Variants in ADAMTSL1 observed in about 807,000 individuals in gnomAD.
ADAMTSL1 encodes the protein ADAMTS like 1, also known as ADAMTS-like protein 1.
Under a neutral mutation model 201.8 loss-of-function variants are expected in ADAMTSL1, and 126 were observed. The ratio of observed to expected loss-of-function variants is 0.62; its 90% CI spans 0.54 to 0.72. The LOEUF is 0.72. Ranked by LOEUF, ADAMTSL1 falls within the 30% of genes least tolerant of loss-of-function variation. ADAMTSL1 has a pLI of 0.00. For synonymous variants in ADAMTSL1, 1,121 were observed against 903.4 expected (o/e 1.24, Z -4.32); for missense variants, 2,679 against 2,277.8 (o/e 1.18, Z -3.59).
intron 2 of ADAMTSL1, among the ~76,000 whole-genome samples, chr9:18,402,659 C>G (rs1818028092): frequency 6.6e-6 from 1 of 152,176 alleles, no homozygotes. Flanking sequence ...GTACATTAAA[C>G]ATGACATGCT....
rs758759097 is a variant in ADAMTSL1, at chr9:18,660,811, T to G, written c.947-1124T>G. 6.3e-4 allele frequency among the ~76,000 whole-genome samples: 81 copies of G among 127,648 alleles called. 1 individual carries two copies. The highest frequency in any genetic ancestry group is 7.3e-4 in the Non-Finnish European group (46 of 62,798). The allele number at this position is 127,648 out of a possible 152,430, so 83.7% of individuals were successfully genotyped here. ...CTTTATAGTCAAATTTTAAAAGGCC[T>G]TTTTTTTAGGGTCTTTAATGAACAA... On this transcript the variant is annotated intron_variant, in intron 8 of 28. Transcript: ENST00000380548.
intron 2 of ADAMTSL1, among the ~76,000 whole-genome samples, chr9:18,244,087 T>G (rs960530750): frequency 2.0e-5 from 3 of 149,688 alleles, no homozygotes; most frequent in South Asian, 2.1e-4. Flanking sequence ...AGAAATGATT[T>G]TGTGTGTGTG....
chr9:17,922,591 A>G (rs887948639), intron 1 of ADAMTSL1, among the ~76,000 whole-genome samples: 7 of 152,086 alleles, frequency 4.6e-5, no homozygotes, highest in Non-Finnish European at 8.8e-5. Context: ...ACCAAAAACC[A>G]CATTTTAGGA....
At chr9:18,360,162 G>A (rs954413390) in intron 2 of ADAMTSL1, among the ~76,000 whole-genome samples, 3 of 151,996 alleles carry the variant, frequency 2.0e-5, no homozygotes, top group African/African-American at 7.2e-5. Flanking sequence ...GCTTTCTTAG[G>A]TTATGCTCTG....
chr9:18,378,874 A>G (rs1211127331), intron 2 of ADAMTSL1, among the ~76,000 whole-genome samples: 3 of 152,312 alleles, frequency 2.0e-5, no homozygotes, highest in African/African-American at 7.2e-5. Flanking sequence ...AGACAGGGAT[A>G]GGGAATAAAC....
intron 14 of ADAMTSL1, among the ~76,000 whole-genome samples, chr9:18,719,070 T>A (rs980517591): frequency 6.6e-6 from 1 of 152,198 alleles, no homozygotes; most frequent in African/African-American, 2.4e-5. Flanking sequence ...TCAGTGATTA[T>A]ATCAACTGTT....
At chr9:18,890,051 C>A (rs1486286240) in intron 25 of ADAMTSL1, among the ~76,000 whole-genome samples, 1 of 152,162 alleles carries the variant, frequency 6.6e-6, no homozygotes, top group Non-Finnish European at 1.5e-5. Context: ...GCCATAGACG[C>A]CCCCCATCCT....
chr9:18,550,415 A>G (rs905439154), intron 3 of ADAMTSL1, among the ~76,000 whole-genome samples: 1 of 151,952 alleles, frequency 6.6e-6, no homozygotes, highest in African/African-American at 2.4e-5. Context: ...AAGCACAAGA[A>G]GGCATTCATG....
At chr9:18,843,170 T>C (rs1825846360) in intron 23 of ADAMTSL1, among the ~76,000 whole-genome samples, 1 of 150,880 alleles carries the variant, frequency 6.6e-6, no homozygotes, top group Non-Finnish European at 1.5e-5. Context: ...CAGTGGCTGG[T>C]ACCGGTTGTT....
At chr9:18,413,591 G>C (rs1379352508) in intron 2 of ADAMTSL1, among the ~76,000 whole-genome samples, 1 of 152,160 alleles carries the variant, frequency 6.6e-6, no homozygotes, top group African/African-American at 2.4e-5. Flanking sequence ...TAGCATTTTA[G>C]GTGTTTTCTA....
intron 1 of ADAMTSL1, among the ~76,000 whole-genome samples, chr9:18,141,097 C>A (rs898945692): frequency 6.6e-6 from 1 of 152,306 alleles, no homozygotes; most frequent in African/African-American, 2.4e-5. Context: ...TATTGAGTGA[C>A]TGATGCCAAG....
At chr9:18,287,433 T>C (rs1037774204) in intron 2 of ADAMTSL1, among the ~76,000 whole-genome samples, 1 of 151,846 alleles carries the variant, frequency 6.6e-6, no homozygotes, top group Non-Finnish European at 1.5e-5. Context: ...GTAATATTTC[T>C]ACATATATGT....
Position 17,995,060 on chromosome 9 carries a change from C to G in ADAMTSL1, c.87+88138C>G, listed in dbSNP as rs563151159. On this transcript the variant is annotated intron_variant, in intron 1 of 29. Coordinates refer to the ADAMTSL1 transcript ENST00000680146. ...AGTCAGAACGTGTGGCTTAGCACTA[C>G]CTAGGGAGCTTGTTTGCCTCCATTT... Among the ~76,000 whole-genome samples the G allele has an allele frequency of 2.0e-5, 3 of 152,210 alleles. No individual in the cohort carries two copies. In the South Asian group the frequency reaches 6.2e-4, roughly 32 times the overall value.
intron 2 of ADAMTSL1, among the ~76,000 whole-genome samples, chr9:18,371,417 C>T (rs1333996278): frequency 2.0e-5 from 3 of 152,056 alleles, no homozygotes; most frequent in Non-Finnish European, 2.9e-5. Flanking sequence ...TATTGCCAAA[C>T]CTTAAAAACA....
intron 1 of ADAMTSL1, among the ~76,000 whole-genome samples, chr9:18,109,843 C>T (rs1427097799): frequency 1.3e-5 from 2 of 152,144 alleles, no homozygotes; most frequent in Non-Finnish European, 2.9e-5. Flanking sequence ...GTAGTCACAC[C>T]CCTACTGCCA....
intron 3 of ADAMTSL1, among the ~76,000 whole-genome samples, chr9:18,550,988 C>A (rs7041815): frequency 0.025 from 3,722 of 151,820 alleles, 162 homozygotes; most frequent in African/African-American, 0.086. Flanking sequence ...CAGTAACAGA[C>A]TAGAAATATC....
intron 23 of ADAMTSL1, among the ~76,000 whole-genome samples, chr9:18,871,221 A>C (rs1463869107): frequency 6.6e-6 from 1 of 152,198 alleles, no homozygotes; most frequent in Non-Finnish European, 1.5e-5. Flanking sequence ...TATTAGAAAA[A>C]TATGTTTGGT....
At chr9:17,919,179 AATG>A (rs1356563964) in intron 1 of ADAMTSL1, among the ~76,000 whole-genome samples, 1 of 151,892 alleles carries the variant, frequency 6.6e-6, no homozygotes, top group Admixed American at 6.6e-5. Flanking sequence ...TAAAAAAATC[AATG>A]ATAAGTATTA....
rs576512455 is a variant in ADAMTSL1, at chr9:18,286,261, T to C, written c.207+122280T>C. The stretch of plus-strand genomic sequence containing the variant: ...ACAGAAACCTAGTTATGATTCTGTA[T>C]TCAGTCTAAGCACATTTAAACTTAG... On this transcript the variant is annotated intron_variant, in intron 2 of 29. Transcript: ENST00000680146. Among the ~76,000 whole-genome samples, 6 of 152,328 alleles carry C rather than the reference T, an allele frequency of 3.9e-5. No homozygotes were observed. In the East Asian group the frequency reaches 1.2e-3, roughly 29 times the overall value.
Sources: allele counts gnomAD v4.1 joint callset (sites outside exome capture counted in the v4.1 genomes callset), GRCh38; gene constraint gnomAD v4.1.1; transcripts MANE v1.5; gene names NCBI Gene and HGNC (gene_info 2026-07-23, HGNC 2026-07-21).